RBFOX1: variants seen among roughly 807,000 people sequenced by gnomAD.
RBFOX1 encodes RNA binding fox-1 homolog 1, also known as RNA binding protein fox-1 homolog 1.
Under a neutral mutation model 57.7 loss-of-function variants are expected in RBFOX1, and 8 were observed. The observed-to-expected ratio is 0.14, with a 90% CI of 0.08 to 0.25. The LOEUF (loss-of-function observed/expected upper bound fraction) is 0.25. RBFOX1 is among the 10% of genes least tolerant of loss of function. The pLI is 1.00. For synonymous variants in RBFOX1, 326 were observed against 222.4 expected, an observed-to-expected ratio of 1.47 and a Z score of -4.15; for missense variants, 611 against 548.5, an observed-to-expected ratio of 1.11 and a Z score of -1.14.
chr16:7,525,863 A>C (rs1172044981), intron 5 of RBFOX1, among the ~76,000 whole-genome samples: 2 of 152,170 alleles, frequency 1.3e-5, no homozygotes, highest in Non-Finnish European at 2.9e-5. Context: ...GGAATGGTGC[A>C]GTTGAGGTCG....
At chr16:7,029,059 T>TATACAC (rs2041886024) in intron 3 of RBFOX1, among the ~76,000 whole-genome samples, 6 of 30,222 alleles carry the variant, frequency 2.0e-4, no homozygotes, top group South Asian at 3.3e-3. Flanking sequence ...TATATATATA[T>TATACAC]ATATATATAT....
chr16:6,080,541 A>G (rs2095985769), intron 1 of RBFOX1, among the ~76,000 whole-genome samples: 1 of 152,208 alleles, frequency 6.6e-6, no homozygotes, highest in Non-Finnish European at 1.5e-5. Flanking sequence ...CTTACAATGA[A>G]TGCATAATTA....
Position 5,918,846 on chromosome 16 carries a change from C to T in RBFOX1, c.351+51511C>T, listed in dbSNP as rs185821963. On this transcript the variant is annotated intron_variant, in intron 4 of 19. Coordinates refer to the RBFOX1 transcript ENST00000641259. Reference sequence around the variant, plus strand: ...CAGGCTTGGCCAGAGTAAGAAGCAACACTTGACTTTTCCTGGGAAGTCAAG... The same window carrying T: ...CAGGCTTGGCCAGAGTAAGAAGCAATACTTGACTTTTCCTGGGAAGTCAAG... Among the ~76,000 whole-genome samples, 30 of 152,282 alleles carry T rather than the reference C, an allele frequency of 2.0e-4. No homozygotes were observed. In the East Asian group the frequency reaches 3.1e-3, roughly 16 times the overall value.
At chr16:6,149,986 C>G (rs1029583989) in intron 1 of RBFOX1, among the ~76,000 whole-genome samples, 1 of 152,174 alleles carries the variant, frequency 6.6e-6, no homozygotes, top group African/African-American at 2.4e-5. Flanking sequence ...GGATCGCAGA[C>G]ATTCAAAATC....
upstream of RBFOX1, among the ~76,000 whole-genome samples, chr16:6,016,145 A>G (rs1282289075): frequency 6.6e-6 from 1 of 152,218 alleles, no homozygotes; most frequent in Non-Finnish European, 1.5e-5. Flanking sequence ...CTTTGATGTA[A>G]AGACCTTTTA....
At chr16:7,122,270 A>C (rs1246827872) in intron 4 of RBFOX1, among the ~76,000 whole-genome samples, 1 of 152,194 alleles carries the variant, frequency 6.6e-6, no homozygotes, top group African/African-American at 2.4e-5. Context: ...TTCAGTATCT[A>C]GAATATATTT....
chr16:5,361,595 A>C (rs1270805963), intron 1 of RBFOX1, among the ~76,000 whole-genome samples: 2 of 152,248 alleles, frequency 1.3e-5, no homozygotes, highest in African/African-American at 4.8e-5. Flanking sequence ...CAGTGACAGC[A>C]GAACATGGAG....
chr16:5,921,333 C>T (rs144402807), intron 4 of RBFOX1, among the ~76,000 whole-genome samples: 3 of 152,226 alleles, frequency 2.0e-5, no homozygotes, highest in African/African-American at 7.2e-5. Context: ...ACATCCTGTC[C>T]CCTTGGAGGG....
chr16:7,697,322 C>G (rs900317285), intron 14 of RBFOX1, among the ~76,000 whole-genome samples: 1 of 152,092 alleles, frequency 6.6e-6, no homozygotes, highest in African/African-American at 2.4e-5. Context: ...TGTTAAATGT[C>G]CACTCCCCAC....
At chr16:6,260,839 T>C (rs1360733762) in intron 1 of RBFOX1, among the ~76,000 whole-genome samples, 3 of 151,930 alleles carry the variant, frequency 2.0e-5, no homozygotes, top group Non-Finnish European at 4.4e-5. Context: ...TGAGATTGTA[T>C]GACTTCCTTC....
intron 5 of RBFOX1, among the ~76,000 whole-genome samples, chr16:7,551,123 T>C (rs972217968): frequency 2.0e-5 from 3 of 151,108 alleles, no homozygotes; most frequent in Non-Finnish European, 2.9e-5. Context: ...AAAGAATATT[T>C]ACAGGACTTC....
At chr16:6,089,351 G>A (rs556995028) in intron 1 of RBFOX1, among the ~76,000 whole-genome samples, 8 of 152,160 alleles carry the variant, frequency 5.3e-5, no homozygotes, top group Non-Finnish European at 1.0e-4. Context: ...CTGGTCAGAG[G>A]AAACAGCAAA....
intron 3 of RBFOX1, among the ~76,000 whole-genome samples, chr16:6,802,242 C>T (rs528292306): frequency 6.6e-6 from 1 of 152,084 alleles, no homozygotes; most frequent in African/African-American, 2.4e-5. Context: ...AACTTAACCA[C>T]TCAGTCAGTG....
intron 3 of RBFOX1, among the ~76,000 whole-genome samples, chr16:6,847,075 C>G (rs187344886): frequency 2.2e-4 from 34 of 152,260 alleles, no homozygotes; most frequent in Middle Eastern, 3.4e-3. Flanking sequence ...AGTGAAGCAT[C>G]TTTCCTTCCC....
rs201050458 is a variant in RBFOX1, at chr16:6,895,556, G to C, written c.-15-156501G>C. ...CTCTACAAGGCAGCTGCACATGATT[G>C]ATGAGAGGAAGGATCTATGTTCAGA... On this transcript the variant is annotated intron_variant, in intron 3 of 15. Coordinates refer to ENST00000550418, the MANE Select transcript of RBFOX1 (RefSeq NM_018723.4). Among the ~76,000 whole-genome samples, 12 of 148,704 alleles carry C rather than the reference G, an allele frequency of 8.1e-5. 1 individual carries two copies. The East Asian group carries it at 1.2e-3, about 15-fold the overall frequency.
chr16:7,477,406 G>C (rs976893127), intron 4 of RBFOX1, among the ~76,000 whole-genome samples: 1 of 152,150 alleles, frequency 6.6e-6, no homozygotes, highest in East Asian at 1.9e-4. Flanking sequence ...TTACCCGTGG[G>C]GGGTCGGGGG....
chr16:7,474,941 A>G (rs1251526738), intron 4 of RBFOX1, among the ~76,000 whole-genome samples: 1 of 152,184 alleles, frequency 6.6e-6, no homozygotes, highest in Non-Finnish European at 1.5e-5. Flanking sequence ...GTGTTGGTCA[A>G]AGCACCAATG....
At chr16:6,315,567 GGA>G (rs2081006027) in intron 1 of RBFOX1, among the ~76,000 whole-genome samples, 1 of 71,308 alleles carries the variant, frequency 1.4e-5, no homozygotes, top group Non-Finnish European at 3.7e-5. Flanking sequence ...ATGGATGGAT[GGA>G]TGGATGGATA....
intron 4 of RBFOX1, among the ~76,000 whole-genome samples, chr16:7,294,184 T>C (rs2095847192): frequency 6.6e-6 from 1 of 152,018 alleles, no homozygotes; most frequent in Non-Finnish European, 1.5e-5. Context: ...CACCCACTTG[T>C]TCATTAGGAG....
Sources: allele counts gnomAD v4.1 joint callset (sites outside exome capture counted in the v4.1 genomes callset), GRCh38; gene constraint gnomAD v4.1.1; transcripts MANE v1.5; gene names NCBI Gene and HGNC (gene_info 2026-07-23, HGNC 2026-07-21).